The following PLD5 variants were observed in gnomAD, a reference collection of about 807,000 sequenced individuals.
The protein encoded by PLD5 is phospholipase D family member 5.
Under a neutral mutation model 61.1 loss-of-function variants are expected in PLD5, and 36 were observed. That is an observed-to-expected ratio of 0.59 (90% CI 0.45 to 0.78). PLD5 has a LOEUF of 0.78. Among genes scored for constraint, PLD5 ranks in the 30% least tolerant of loss-of-function variants. The probability of loss-of-function intolerance (pLI) is 0.00; values close to 1 mark genes in which losing one functional copy is unlikely to be tolerated. For synonymous variants in PLD5, 243 were observed against 242.8 expected (o/e 1.00, Z -0.01); for missense variants, 515 against 644.4 (o/e 0.80, Z 2.17).
Position 242,239,619 on chromosome 1 carries a change from C to T in PLD5, c.608-19504G>A, listed in dbSNP as rs748208398. 1.1e-4 allele frequency among the ~76,000 whole-genome samples: 17 copies of T among 152,234 alleles called. No homozygotes were observed. In the South Asian group the frequency reaches 2.1e-3, roughly 19 times the overall value. On this transcript the variant is annotated intron_variant, in intron 4 of 9. Transcript: ENST00000536534. ...TTCCTGTCTCTCTTAGAATCTAGATCTACCAACAAGCAGCGGGAGGTGCCT... is the reference window on the plus strand; with the variant it reads ...TTCCTGTCTCTCTTAGAATCTAGATTTACCAACAAGCAGCGGGAGGTGCCT...
chr1:242,142,889 C>G (rs1345634862), intron 5 of PLD5, among the ~76,000 whole-genome samples: 1 of 151,796 alleles, frequency 6.6e-6, no homozygotes, highest in Non-Finnish European at 1.5e-5. Context: ...ACCATGTTGG[C>G]TGATTTTTAG....
intron 5 of PLD5, chr1:242,177,755 C>T (rs1242887764): frequency 1.3e-5 from 2 of 152,146 alleles, no homozygotes; most frequent in Non-Finnish European, 2.9e-5. Flanking sequence ...CTGCTGGGAT[C>T]CAGGAACAAG....
At chr1:242,319,719 C>T (rs866229086) in intron 2 of PLD5, among the ~76,000 whole-genome samples, 5 of 152,324 alleles carry the variant, frequency 3.3e-5, no homozygotes, top group Admixed American at 6.5e-5. Flanking sequence ...GAAAAGTCAT[C>T]TCTCCACTCA....
At chr1:242,435,982 C>T (rs540744775) in intron 1 of PLD5, among the ~76,000 whole-genome samples, 1 of 152,296 alleles carries the variant, frequency 6.6e-6, no homozygotes, top group Admixed American at 6.5e-5. Context: ...GACCTGCACA[C>T]AGTGGATCCT....
intron 1 of PLD5, among the ~76,000 whole-genome samples, chr1:242,397,765 T>C (rs1031495969): frequency 6.4e-5 from 9 of 141,142 alleles, no homozygotes; most frequent in African/African-American, 2.4e-4. Flanking sequence ...TCTTAGCACG[T>C]CTTTTTCTTC....
rs537273106 is a variant in PLD5 at position 242,183,052 on chromosome 1, C to T, written c.735+36936G>A. ...AACATCATTTGTAATCTCAACAAAG[C>T]TCTTACTCAAAATTATGAGCCTAGT... On this transcript the variant is annotated intron_variant, in intron 5 of 9. Transcript: ENST00000536534. Among the ~76,000 whole-genome samples, 3 of 152,262 alleles carry T rather than the reference C, an allele frequency of 2.0e-5. No individual in the cohort carries two copies. The East Asian group carries it at 5.8e-4, about 29-fold the overall frequency.
At chr1:242,437,304 A>G (rs2654879) in intron 1 of PLD5, among the ~76,000 whole-genome samples, 85,214 of 151,976 alleles carry the variant, frequency 0.56, 24,683 homozygotes, top group African/African-American at 0.7. Flanking sequence ...AAAGTGACCA[A>G]CAGACTTTAT....
At chr1:242,220,152 C>G (rs780929006) in intron 4 of PLD5, 37 bp from the exon 5 acceptor site, 1 of 1,607,772 alleles carries the variant, frequency 6.2e-7, no homozygotes, top group Non-Finnish European at 8.5e-7. Context: ...GCCTCTGCGT[C>G]AAGGCCCTGC....
intron 3 of PLD5, among the ~76,000 whole-genome samples, chr1:242,283,376 G>A (rs879661714): frequency 6.6e-6 from 1 of 152,130 alleles, no homozygotes; most frequent in Non-Finnish European, 1.5e-5. Flanking sequence ...CTGGCTACGT[G>A]GTTTCTTGGT....
intron 1 of PLD5, among the ~76,000 whole-genome samples, chr1:242,414,394 C>T (rs1460972776): frequency 1.3e-5 from 2 of 152,128 alleles, no homozygotes; most frequent in Non-Finnish European, 2.9e-5. Context: ...TCACTTTACC[C>T]AGAGGAAATG....
Position 242,348,205 on chromosome 1 carries a change from C to A in PLD5, c.227G>T (p.Cys76Phe), listed in dbSNP as rs1660249526. The A allele has an allele frequency of 1.2e-6, 2 of 1,612,756 alleles. No individual in the cohort carries two copies. The highest frequency in any genetic ancestry group is 1.7e-6 in the Non-Finnish European group (2 of 1,179,632). The change falls in exon 2 of 10, where the codon TGC (cysteine) becomes TTC (phenylalanine). Residue 76 changes from cysteine (C) to phenylalanine (F), a missense_variant. Around this residue, in one of 2 missense-constraint regions of PLD5, gnomAD observed 450 missense variants for 598.1 expected, o/e 0.75. Transcript: ENST00000536534. ...QKCIVIFALVCCFAILVALIF... is the reference protein window; with the variant it reads ...QKCIVIFALVFCFAILVALIF... ...CAGTGCAACCAGAATGGCAAAGCAG[C>A]ACACCAGGGCAAAGATCACGATGCA...
At chr1:242,101,123 G>A (rs371029190) in intron 8 of PLD5, among the ~76,000 whole-genome samples, 39 of 152,198 alleles carry the variant, frequency 2.6e-4, no homozygotes, top group African/African-American at 9.2e-4. Flanking sequence ...CATGCCTCAG[G>A]GTGCTTTCTG....
At chr1:242,117,626 G>A (rs1051319141) in intron 6 of PLD5, among the ~76,000 whole-genome samples, 1 of 152,038 alleles carries the variant, frequency 6.6e-6, no homozygotes, top group Non-Finnish European at 1.5e-5. Context: ...TGATCCACCT[G>A]CCTCGGCCTC....
In PLD5 at chr1:242,326,715, T is replaced by C. The variant is rs1213361749; in HGVS notation, c.326+21391A>G. Among the ~76,000 whole-genome samples, 5 of 151,992 alleles carry C rather than the reference T, an allele frequency of 3.3e-5. No homozygotes were observed. In the East Asian group the frequency reaches 9.7e-4, roughly 29 times the overall value. On this transcript the variant is annotated intron_variant, in intron 2 of 9. Coordinates refer to ENST00000536534, the MANE Select transcript of PLD5 (RefSeq NM_001372062.1). ...TTATATAAGTTTTTTTGTGTGTGTG[T>C]TTTGTTTTTGAGACAGGGTCTCACT...
At chr1:242,110,743 G>C (rs941372573) in intron 7 of PLD5, among the ~76,000 whole-genome samples, 3 of 152,112 alleles carry the variant, frequency 2.0e-5, no homozygotes, top group Non-Finnish European at 2.9e-5. Flanking sequence ...CTGGGAGGCA[G>C]AGGTTGCAGT....
rs138539873 is a variant in PLD5 at position 242,198,199 on chromosome 1, C to T, written c.735+21789G>A. Among the ~76,000 whole-genome samples the T allele has an allele frequency of 1.7e-3, 259 of 152,232 alleles. 1 individual carries two copies. Among genetic ancestry groups the T allele is most frequent in the African/African-American group, 6.1e-3 (254 of 41,538 alleles). Reference sequence around the variant, plus strand: ...AAGTGTATTTTAGAGATGTTCCCTGCGGAAATCTCTTGGCAGATAAAGATT... The same window carrying T: ...AAGTGTATTTTAGAGATGTTCCCTGTGGAAATCTCTTGGCAGATAAAGATT... On this transcript the variant is annotated intron_variant, in intron 5 of 9. Transcript: ENST00000536534.
At chr1:242,477,788 G>A (rs1156762444) in intron 1 of PLD5, among the ~76,000 whole-genome samples, 2 of 152,132 alleles carry the variant, frequency 1.3e-5, no homozygotes, top group Non-Finnish European at 2.9e-5. Flanking sequence ...TGTCCCAGGT[G>A]GAACATTTAA....
chr1:242,490,568 C>T (rs1326528118), intron 1 of PLD5, among the ~76,000 whole-genome samples: 1 of 152,176 alleles, frequency 6.6e-6, no homozygotes, highest in Non-Finnish European at 1.5e-5. Flanking sequence ...CTAGGTTCCT[C>T]ATTTGCTGCA....
At chr1:242,507,724 C>T (rs1273071456) in intron 1 of PLD5, among the ~76,000 whole-genome samples, 1 of 152,202 alleles carries the variant, frequency 6.6e-6, no homozygotes, top group East Asian at 1.9e-4. Flanking sequence ...TAGAAATCTA[C>T]TCTGTTCATA....
Sources: gnomAD v4.1 joint callset for allele counts (sites outside exome capture counted in the v4.1 genomes callset) on GRCh38, gnomAD v4.1.1 for gene constraint, gnomAD v4.1.1 regional missense constraint, MANE v1.5 for transcripts, NCBI Gene and HGNC (gene_info 2026-07-23, HGNC 2026-07-21) for gene names.